BCAS3: variants seen among roughly 807,000 people sequenced by gnomAD.
BCAS3 encodes BCAS3 microtubule associated cell migration factor.
A neutral mutation model predicts 116.1 loss-of-function variants in BCAS3; 53 were observed. The ratio of observed to expected loss-of-function variants is 0.46; its 90% CI spans 0.37 to 0.57. BCAS3 has a LOEUF of 0.57. BCAS3 is among the 20% of genes least tolerant of loss of function. The probability of loss-of-function intolerance (pLI) is 0.00; values close to 1 mark genes in which losing one functional copy is unlikely to be tolerated. For synonymous variants in BCAS3, 391 were observed against 408.2 expected, an observed-to-expected ratio of 0.96 and a Z score of 0.51; for missense variants, 917 against 1,165.4, an observed-to-expected ratio of 0.79 and a Z score of 3.10.
rs747378044 is a variant in BCAS3 at position 61,286,879 on chromosome 17, T to C, written c.2426-81448T>C. Among the ~76,000 whole-genome samples the C allele has an allele frequency of 2.0e-5, 3 of 152,128 alleles. No homozygotes were observed. The highest frequency in any genetic ancestry group is 4.4e-5 in the Non-Finnish European group (3 of 68,014). On this transcript the variant is annotated intron_variant, in intron 22 of 23. Transcript: ENST00000407086. The surrounding 1 kb of genome is among the most constrained non-coding windows in gnomAD (Gnocchi z 4.8). ...TGCATTCATTCATTTATTCATTCAC[T>C]GAAACTTTATGGGCCACCTACTGAG...
intron 12 of BCAS3, among the ~76,000 whole-genome samples, chr17:60,923,978 C>T (rs1048609346): frequency 6.6e-5 from 10 of 152,072 alleles, no homozygotes; most frequent in African/African-American, 2.4e-4. Flanking sequence ...TGTTGTTTCC[C>T]CCCCATTCTT....
At chr17:61,317,986 A>G (rs1331050270) in intron 22 of BCAS3, among the ~76,000 whole-genome samples, 2 of 152,190 alleles carry the variant, frequency 1.3e-5, no homozygotes, top group African/African-American at 4.8e-5. Context: ...CTGTTCTGGC[A>G]GGCGTAACGC....
At chr17:61,293,255 A>G (rs1025698660) in intron 22 of BCAS3, among the ~76,000 whole-genome samples, 1 of 152,182 alleles carries the variant, frequency 6.6e-6, no homozygotes, top group Non-Finnish European at 1.5e-5. Context: ...GGAAATAGTC[A>G]TAGTTTCATC....
intron 6 of BCAS3, among the ~76,000 whole-genome samples, chr17:60,806,577 A>ATTTT: frequency 6.8e-6 from 1 of 146,274 alleles, no homozygotes. Flanking sequence ...TTTGAGACTG[A>ATTTT]TTCTTGCTCT....
intron 22 of BCAS3, among the ~76,000 whole-genome samples, chr17:61,283,224 C>G (rs763408166): frequency 9.9e-5 from 15 of 152,172 alleles, no homozygotes; most frequent in Non-Finnish European, 1.9e-4. Context: ...TGGAAAAGTA[C>G]CAATGAATTC....
intron 5 of BCAS3, among the ~76,000 whole-genome samples, chr17:60,730,485 T>G (rs1298884583): frequency 1.3e-5 from 2 of 152,244 alleles, no homozygotes; most frequent in East Asian, 3.8e-4. Flanking sequence ...TGCATTTTTT[T>G]TCTTGATGGT....
chr17:61,122,017 T>C lies in BCAS3; in HGVS notation c.2425+37453T>C, dbSNP rs1469242915. ...TGCTGGGATTACAGGCGTGAGCCAC[T>C]GTGCCCGGCCAAAAACATATGATTT... On this transcript the variant is annotated intron_variant, in intron 22 of 23. Transcript: ENST00000407086. This position sits in a 1 kb window ranked among gnomAD's most constrained non-coding sequence, Gnocchi z 4.6. 6.6e-6 allele frequency among the ~76,000 whole-genome samples: 1 copy of C among 152,144 alleles called. No homozygotes were observed. Among genetic ancestry groups the C allele is most frequent in the Non-Finnish European group, 1.5e-5 (1 of 68,032 alleles).
intron 6 of BCAS3, among the ~76,000 whole-genome samples, chr17:60,753,267 T>C (rs1035665855): frequency 1.3e-5 from 2 of 152,126 alleles, no homozygotes; most frequent in African/African-American, 4.8e-5. Context: ...TAGGTTATTA[T>C]TAATCTTTAG....
In BCAS3 at chr17:61,128,394, A is replaced by AC. The variant is rs1293482308; in HGVS notation, c.2425+43832dup. ...GGCTTATTTAAGTGAAAGGTGGGAC[A>AC]CCAGTAGATATACATTCAGACAAAT... On this transcript the variant is annotated intron_variant, in intron 22 of 23. Transcript: ENST00000407086. This position sits in a 1 kb window ranked among gnomAD's most constrained non-coding sequence, Gnocchi z 4.1. The AC allele has an allele frequency of 2.0e-6, 2 of 985,298 alleles. No individual in the cohort carries two copies. Among genetic ancestry groups the AC allele is most frequent in the African/African-American group, 3.5e-5 (2 of 57,244 alleles). The allele number at this position is 985,298 out of a possible 1,614,324, so 61.0% of individuals were successfully genotyped here. A position where few individuals can be genotyped will look rare whatever the true frequency, so the allele number is the denominator to read the frequency against.
chr17:60,761,219 T>C (rs2043494755), intron 6 of BCAS3, among the ~76,000 whole-genome samples: 1 of 152,160 alleles, frequency 6.6e-6, no homozygotes, highest in Non-Finnish European at 1.5e-5. Flanking sequence ...TTATGAATTT[T>C]TTTATTATTA....
At chr17:60,890,865 G>GT (rs1259683957) in intron 10 of BCAS3, among the ~76,000 whole-genome samples, 1 of 152,088 alleles carries the variant, frequency 6.6e-6, no homozygotes, top group Non-Finnish European at 1.5e-5. Flanking sequence ...TTAGGATGTG[G>GT]TAAGTAAAGT....
intron 22 of BCAS3, among the ~76,000 whole-genome samples, chr17:61,230,959 C>CTTT (rs763299746): frequency 2.1e-4 from 25 of 121,844 alleles, no homozygotes; most frequent in Non-Finnish European, 3.4e-4. Flanking sequence ...TAGTTTTTGC[C>CTTT]TTTTTTTTTT....
chr17:60,913,346 G>C (rs1466648336), intron 12 of BCAS3, among the ~76,000 whole-genome samples: 2 of 152,054 alleles, frequency 1.3e-5, no homozygotes, highest in Non-Finnish European at 2.9e-5. Flanking sequence ...AATTCTGTTA[G>C]AGGACAGGAA....
At chr17:61,264,084 T>C (rs182663626) in intron 22 of BCAS3, among the ~76,000 whole-genome samples, 128 of 152,194 alleles carry the variant, frequency 8.4e-4, no homozygotes, top group African/African-American at 3.0e-3. Context: ...TAAAATGGGG[T>C]TAACAAGTGA....
At chr17:60,939,586 A>G (rs999382685) in intron 13 of BCAS3, among the ~76,000 whole-genome samples, 3 of 152,190 alleles carry the variant, frequency 2.0e-5, no homozygotes, top group Non-Finnish European at 2.9e-5. Context: ...GTGTGATTAT[A>G]TTTCATTAAA....
At chr17:61,003,402 C>CCCCTT (rs1159956840) in intron 15 of BCAS3, among the ~76,000 whole-genome samples, 12 of 125,696 alleles carry the variant, frequency 9.5e-5, no homozygotes, top group Admixed American at 3.1e-4. Context: ...CCCCTCCCCT[C>CCCCTT]CCCTTCCCTT....
At chr17:60,807,613 C>T (rs1027342471) in intron 6 of BCAS3, among the ~76,000 whole-genome samples, 6 of 152,010 alleles carry the variant, frequency 3.9e-5, no homozygotes, top group African/African-American at 7.2e-5. Context: ...GAAACCCTGT[C>T]TCTACTAAAA....
intron 19 of BCAS3, among the ~76,000 whole-genome samples, chr17:61,064,164 TA>T (rs1334431338): frequency 6.6e-6 from 1 of 152,186 alleles, no homozygotes; most frequent in Non-Finnish European, 1.5e-5. Flanking sequence ...GGTGTCATGG[TA>T]TACACCTGTA....
At chr17:60,718,573 T>G (rs1042492876) in intron 5 of BCAS3, among the ~76,000 whole-genome samples, 12 of 152,178 alleles carry the variant, frequency 7.9e-5, no homozygotes, top group Non-Finnish European at 1.5e-4. Context: ...TAGTTGGGAT[T>G]ACTGGCACAT....
Sources: gnomAD v4.1 joint callset for allele counts (sites outside exome capture counted in the v4.1 genomes callset) on GRCh38, gnomAD v4.1.1 for gene constraint, Gnocchi (gnomAD v3.1) non-coding constraint, MANE v1.5 for transcripts, NCBI Gene and HGNC (gene_info 2026-07-23, HGNC 2026-07-21) for gene names.